The following MYO5B variants were observed in gnomAD, a reference collection of about 807,000 sequenced individuals.
MYO5B encodes the protein unconventional myosin-Vb.
Under a neutral mutation model 229.3 loss-of-function variants are expected in MYO5B, and 143 were observed. The ratio of observed to expected loss-of-function variants is 0.62; its 90% CI spans 0.54 to 0.72. The LOEUF (loss-of-function observed/expected upper bound fraction) is 0.72. Ranked by LOEUF, MYO5B falls within the 30% of genes least tolerant of loss-of-function variation. The pLI, the probability that MYO5B is intolerant of heterozygous loss-of-function variation, is 0.00. For missense variants in MYO5B, 2,321 were observed against 2,331.0 expected (o/e 1.00, Z 0.09); for synonymous variants, 918 against 885.2 (o/e 1.04, Z -0.66).
chr18:50,005,049 G>A (rs2026086716), intron 4 of MYO5B, among the ~76,000 whole-genome samples: 1 of 152,172 alleles, frequency 6.6e-6, no homozygotes, highest in South Asian at 2.1e-4. Flanking sequence ...CTTCTAAGTA[G>A]TCACCATGAT....
chr18:49,995,175 C>G (rs1422763930), intron 5 of MYO5B, among the ~76,000 whole-genome samples: 3 of 152,132 alleles, frequency 2.0e-5, no homozygotes, highest in African/African-American at 2.4e-5. Flanking sequence ...AGAAAGCCAC[C>G]ACACATGTGG....
intron 1 of MYO5B, among the ~76,000 whole-genome samples, chr18:50,152,215 T>A (rs1447735978): frequency 6.6e-6 from 1 of 152,194 alleles, no homozygotes; most frequent in Non-Finnish European, 1.5e-5. Flanking sequence ...TGTTTTCTGC[T>A]GAGGTGGCAG....
chr18:49,970,679 G>A (rs1016649333), intron 10 of MYO5B, among the ~76,000 whole-genome samples: 1 of 152,016 alleles, frequency 6.6e-6, no homozygotes, highest in Non-Finnish European at 1.5e-5. Flanking sequence ...GAATTATTTC[G>A]GTTCATGAAT....
At chr18:49,929,391 G>A in intron 17 of MYO5B, 121 bp downstream of exon 17, 1 of 783,986 alleles carries the variant, frequency 1.3e-6, no homozygotes, top group East Asian at 2.7e-5. Context: ...GGGCCTCAAT[G>A]TTTGGGAACC....
At position 49,843,266 on chromosome 18, in the gene MYO5B, A is replaced by C. The variant is rs1267829065; in HGVS notation, c.4586T>G (p.Ile1529Ser). 6 of 1,613,984 alleles carry C rather than the reference A, an allele frequency of 3.7e-6. No homozygotes were observed. The highest frequency in any genetic ancestry group is 1.6e-4 in the Middle Eastern group (1 of 6,072). The part of the protein sequence containing the change: ...LKVHSLLTST[I>S]NGIKKVLKKH... ...TTTCAGGACTTTCTTAATGCCGTTG[A>C]TGGTGGAGGTCAGCAGGGAGTGCAC... Residue 1529 changes from isoleucine (I) to serine (S), a missense_variant, in exon 34 of 40, where the codon ATC becomes AGC. Coordinates refer to ENST00000285039, the MANE Select transcript of MYO5B (RefSeq NM_001080467.3).
rs564331849 is a variant in MYO5B, at chr18:50,052,457, A to G, written c.138+2811T>C. On this transcript the variant is annotated intron_variant, in intron 2 of 39. Coordinates refer to ENST00000285039, the MANE Select transcript of MYO5B (RefSeq NM_001080467.3). ...ATTCTCAGTAAACTATCACAAGGAC[A>G]AAAAACCAAACACCGCATGTTCTCA... Among the ~76,000 whole-genome samples the G allele has an allele frequency of 1.9e-3, 282 of 149,932 alleles. 1 individual carries two copies. Among genetic ancestry groups the G allele is most frequent in the African/African-American group, 6.6e-3 (267 of 40,654 alleles).
intron 6 of MYO5B, among the ~76,000 whole-genome samples, chr18:49,991,664 G>GGGCC (rs1412931427): frequency 2.2e-4 from 33 of 152,154 alleles, no homozygotes; most frequent in Admixed American, 2.2e-3. Context: ...TCAAACACCG[G>GGGCC]GGCCTGTCAG....
Position 49,951,128 on chromosome 18 carries a change from G to A in MYO5B, c.1752+2132C>T, listed in dbSNP as rs557412127. On this transcript the variant is annotated intron_variant, in intron 14 of 39. Transcript: ENST00000285039. ...GAAGTGTCATGACTTGCTTCTAGGG[G>A]GAATTACGTGCATCCTGTATGACTC... Among the ~76,000 whole-genome samples, 3 of 152,252 alleles carry A rather than the reference G, an allele frequency of 2.0e-5. No homozygotes were observed. In the South Asian group the frequency reaches 6.2e-4, roughly 32 times the overall value.
intron 27 of MYO5B, among the ~76,000 whole-genome samples, chr18:49,866,362 C>T (rs963481765): frequency 7.9e-5 from 12 of 152,188 alleles, no homozygotes; most frequent in Non-Finnish European, 1.5e-4. Flanking sequence ...AGCCGCCACG[C>T]CCGACCTCAT....
intron 1 of MYO5B, among the ~76,000 whole-genome samples, chr18:50,058,475 A>G (rs1250469624): frequency 6.6e-6 from 1 of 152,020 alleles, no homozygotes; most frequent in African/African-American, 2.4e-5. Context: ...GTCTCAAAAA[A>G]CAAAAAGTAA....
chr18:50,155,961 G>A (rs1300106577), intron 1 of MYO5B, among the ~76,000 whole-genome samples: 1 of 152,152 alleles, frequency 6.6e-6, no homozygotes, highest in East Asian at 1.9e-4. Context: ...GCTGTTCCAG[G>A]ATCCTAAGGA....
intron 26 of MYO5B, 113 bp from the exon 27 acceptor site, chr18:49,872,345 C>T (rs545893650): frequency 7.0e-5 from 67 of 960,466 alleles, no homozygotes; most frequent in Admixed American, 7.0e-4. Context: ...ATACCCAACA[C>T]CCCCACCCTC....
At chr18:49,928,815 C>T (rs1385322570) in intron 17 of MYO5B, among the ~76,000 whole-genome samples, 1 of 152,196 alleles carries the variant, frequency 6.6e-6, no homozygotes, top group Non-Finnish European at 1.5e-5. Flanking sequence ...ATGGCATTCA[C>T]AGCAACCTGG....
intron 2 of MYO5B, among the ~76,000 whole-genome samples, chr18:50,044,855 T>G (rs1230773533): frequency 6.7e-6 from 1 of 148,736 alleles, no homozygotes; most frequent in African/African-American, 2.5e-5. Context: ...TCCAGGGGGG[T>G]TTGGGAGCTT....
chr18:50,090,126 A>G (rs1329452712), intron 1 of MYO5B, among the ~76,000 whole-genome samples: 4 of 151,246 alleles, frequency 2.6e-5, no homozygotes, highest in African/African-American at 9.7e-5. Flanking sequence ...TAAATTATCC[A>G]CTCCTTAAAA....
intron 1 of MYO5B, among the ~76,000 whole-genome samples, chr18:50,182,860 A>G (rs1790449): frequency 0.79 from 120,374 of 152,054 alleles, 47,728 homozygotes; most frequent in Middle Eastern, 0.82. Flanking sequence ...GGTTGTAGGT[A>G]AACTTTAAAC....
chr18:49,885,460 C>G (rs1480556486), intron 22 of MYO5B, among the ~76,000 whole-genome samples: 1 of 152,146 alleles, frequency 6.6e-6, no homozygotes, highest in Non-Finnish European at 1.5e-5. Flanking sequence ...ACCTTTCAAA[C>G]TCTTCTAGAC....
At chr18:49,866,352 A>G (rs1317859517) in intron 27 of MYO5B, among the ~76,000 whole-genome samples, 1 of 152,082 alleles carries the variant, frequency 6.6e-6, no homozygotes, top group Non-Finnish European at 1.5e-5. Flanking sequence ...TACAGGCATG[A>G]GCCGCCACGC....
chr18:50,067,748 G>A (rs1253737464), intron 1 of MYO5B, among the ~76,000 whole-genome samples: 1 of 152,044 alleles, frequency 6.6e-6, no homozygotes, highest in Non-Finnish European at 1.5e-5. Flanking sequence ...AGCAGCCTGG[G>A]GCCCTCTCTG....
Sources: gnomAD v4.1 joint callset for allele counts (sites outside exome capture counted in the v4.1 genomes callset) on GRCh38, gnomAD v4.1.1 for gene constraint, MANE v1.5 for transcripts, NCBI Gene and HGNC (gene_info 2026-07-23, HGNC 2026-07-21) for gene names.